Variants in TBC1D22A observed in about 807,000 individuals in gnomAD.
TBC1D22A encodes the protein TBC1 domain family member 22A.
In TBC1D22A, 38 loss-of-function variants were observed where a neutral mutation model predicts 60.2. That is an observed-to-expected ratio of 0.63 (90% CI 0.49 to 0.83). The LOEUF (loss-of-function observed/expected upper bound fraction) is 0.83. Among genes scored for constraint, TBC1D22A ranks in the 40% least tolerant of loss-of-function variants. The probability of loss-of-function intolerance (pLI) is 0.00; values close to 1 mark genes in which losing one functional copy is unlikely to be tolerated. For synonymous variants in TBC1D22A, 302 were observed against 281.7 expected, an observed-to-expected ratio of 1.07 and a Z score of -0.72; for missense variants, 628 against 701.0, an observed-to-expected ratio of 0.90 and a Z score of 1.18.
chr22:47,068,978 CG>C lies in TBC1D22A; in HGVS notation c.1329+31781del, dbSNP rs1308710587. ...ATTAGACATATTATTTGTGACTCTA[CG>C]TTTTTTTAAATGTGGCTCACTGAGG... On this transcript the variant is annotated intron_variant, in intron 11 of 12. Transcript: ENST00000337137. 5.3e-5 allele frequency among the ~76,000 whole-genome samples: 8 copies of C among 152,256 alleles called. No individual in the cohort carries two copies. In the South Asian group the frequency reaches 1.0e-3, roughly 20 times the overall value.
chr22:46,813,321 A>C (rs801474), intron 4 of TBC1D22A, among the ~76,000 whole-genome samples: 3,145 of 152,340 alleles, frequency 0.021, 109 homozygotes, highest in African/African-American at 0.07. Context: ...ATTAAAGAAT[A>C]AGATCTATTT....
At chr22:46,955,205 G>T (rs2073124706) in intron 8 of TBC1D22A, among the ~76,000 whole-genome samples, 1 of 152,160 alleles carries the variant, frequency 6.6e-6, no homozygotes, top group African/African-American at 2.4e-5. Context: ...AATTATGTTT[G>T]TTTGATTTGT....
chr22:47,061,955 G>A (rs1256073666), intron 11 of TBC1D22A, among the ~76,000 whole-genome samples: 1 of 151,980 alleles, frequency 6.6e-6, no homozygotes, highest in Non-Finnish European at 1.5e-5. Context: ...AGGCGTGGTG[G>A]TGCATGCCAG....
chr22:46,904,124 T>TATC (rs1320584455), intron 7 of TBC1D22A, among the ~76,000 whole-genome samples: 4 of 93,928 alleles, frequency 4.3e-5, no homozygotes, highest in African/African-American at 1.7e-4. Flanking sequence ...TCTATCTATC[T>TATC]ATCTATCTAT....
At chr22:46,809,407 T>C (rs2147020087) in intron 4 of TBC1D22A, among the ~76,000 whole-genome samples, 1 of 152,324 alleles carries the variant, frequency 6.6e-6, no homozygotes, top group Non-Finnish European at 1.5e-5. Context: ...TCCCTGTCTC[T>C]AGACACAGTC....
At position 46,949,269 on chromosome 22, in the gene TBC1D22A, C is replaced by T. The variant is rs571859885; in HGVS notation, c.1016-25021C>T. Among the ~76,000 whole-genome samples, 11 of 152,342 alleles carry T rather than the reference C, an allele frequency of 7.2e-5. No homozygotes were observed. In the South Asian group the frequency reaches 2.1e-3, roughly 29 times the overall value. On this transcript the variant is annotated intron_variant, in intron 8 of 12. Transcript: ENST00000337137. ...GAGCATGACAACAGCCGGTCACACTCGTGTGGTTCAGGGAGTCAGAGGCTG... is the reference window on the plus strand; with the variant it reads ...GAGCATGACAACAGCCGGTCACACTTGTGTGGTTCAGGGAGTCAGAGGCTG...
At chr22:47,112,603 C>T (rs1010222194) in intron 12 of TBC1D22A, among the ~76,000 whole-genome samples, 5 of 152,204 alleles carry the variant, frequency 3.3e-5, no homozygotes, top group African/African-American at 1.2e-4. Flanking sequence ...AGAGACCAGA[C>T]AGGTGAGGGC....
intron 4 of TBC1D22A, among the ~76,000 whole-genome samples, chr22:46,835,923 G>T (rs754257720): frequency 6.6e-6 from 1 of 152,188 alleles, no homozygotes; most frequent in South Asian, 2.1e-4. Flanking sequence ...GAGTGAATGG[G>T]CTGATATATT....
intron 12 of TBC1D22A, among the ~76,000 whole-genome samples, chr22:47,155,562 T>C (rs373682773): frequency 2.6e-5 from 4 of 152,232 alleles, no homozygotes; most frequent in African/African-American, 9.6e-5. Context: ...CCAGTGACCA[T>C]GTTGGGCAGA....
chr22:47,001,380 G>T (rs555754866), intron 10 of TBC1D22A, among the ~76,000 whole-genome samples: 1 of 143,968 alleles, frequency 6.9e-6, no homozygotes, highest in Non-Finnish European at 1.5e-5. Context: ...GGAGGCGGAG[G>T]TTGCAGTGAG....
At chr22:47,163,694 C>T (rs984225633) in intron 12 of TBC1D22A, among the ~76,000 whole-genome samples, 3 of 152,164 alleles carry the variant, frequency 2.0e-5, no homozygotes, top group African/African-American at 7.2e-5. Flanking sequence ...CAGGCACTGC[C>T]TCTGAGGGGT....
chr22:46,960,322 C>T (rs1254315843), intron 8 of TBC1D22A, among the ~76,000 whole-genome samples: 1 of 151,836 alleles, frequency 6.6e-6, no homozygotes, highest in Non-Finnish European at 1.5e-5. Context: ...ACTGCAGCGG[C>T]ACGATATGGG....
At chr22:47,025,860 G>C (rs1281261654) in intron 10 of TBC1D22A, among the ~76,000 whole-genome samples, 2 of 152,146 alleles carry the variant, frequency 1.3e-5, no homozygotes, top group Non-Finnish European at 2.9e-5. Flanking sequence ...ATAGTACCGA[G>C]TGTGTGAGAA....
intron 10 of TBC1D22A, among the ~76,000 whole-genome samples, chr22:46,998,641 C>T (rs1186020314): frequency 2.0e-5 from 3 of 152,226 alleles, no homozygotes; most frequent in Non-Finnish European, 4.4e-5. Flanking sequence ...GAAGGGCGCT[C>T]GGTTTGGGAA....
chr22:46,858,461 A>AC (rs376169833), intron 4 of TBC1D22A, among the ~76,000 whole-genome samples: 56,498 of 151,368 alleles, frequency 0.37, 11,374 homozygotes, highest in African/African-American at 0.54. Flanking sequence ...TGTGGCAAAC[A>AC]CCCCCCCCAG....
At chr22:47,112,225 T>C (rs1318962882) in intron 12 of TBC1D22A, among the ~76,000 whole-genome samples, 2 of 152,220 alleles carry the variant, frequency 1.3e-5, no homozygotes, top group Non-Finnish European at 2.9e-5. Context: ...GGGCACACTG[T>C]GGACTGTTGG....
chr22:47,169,476 T>C (rs957939605), intron 12 of TBC1D22A, among the ~76,000 whole-genome samples: 18 of 152,300 alleles, frequency 1.2e-4, no homozygotes, highest in African/African-American at 3.6e-4. Flanking sequence ...TGGGTGCTGA[T>C]GGACATGTGG....
intron 11 of TBC1D22A, among the ~76,000 whole-genome samples, chr22:47,062,778 G>A: frequency 6.6e-6 from 1 of 152,062 alleles, no homozygotes; most frequent in African/African-American, 2.4e-5. Context: ...TTAAGTTTGG[G>A]GTGACTTGTT....
rs76599095 is a variant in TBC1D22A, at chr22:46,913,675, G to C, written c.1015+1487G>C. 1,291 of 985,422 alleles carry C rather than the reference G, an allele frequency of 1.3e-3. 23 individuals carry two copies. The East Asian group carries it at 0.038, about 29-fold the overall frequency. 61.0% of individuals were successfully genotyped at this position (985,422 alleles called of 1,614,324 possible). A position where few individuals can be genotyped will look rare whatever the true frequency, so the allele number is the denominator to read the frequency against. On this transcript the variant is annotated intron_variant, in intron 8 of 12. Coordinates refer to ENST00000337137, the MANE Select transcript of TBC1D22A (RefSeq NM_014346.5). ...TCCTAGAACAGTAGGACCTCTGTCA[G>C]TAGACTTCAGAGTTGTTAATTGAAA...
Sources: allele counts gnomAD v4.1 joint callset (sites outside exome capture counted in the v4.1 genomes callset), GRCh38; gene constraint gnomAD v4.1.1; transcripts MANE v1.5; gene names NCBI Gene and HGNC (gene_info 2026-07-23, HGNC 2026-07-21).